Variants in NETO1 observed in about 807,000 individuals in gnomAD.
NETO1 encodes neuropilin and tolloid-like protein 1.
A neutral mutation model predicts 61.3 loss-of-function variants in NETO1; 26 were observed. The observed-to-expected ratio is 0.42, with a 90% confidence interval of 0.31 to 0.59. The LOEUF is 0.59. Ranked by LOEUF, NETO1 falls within the 20% of genes least tolerant of loss-of-function variation. NETO1 has a pLI of 0.12. For missense variants in NETO1, 531 were observed against 662.8 expected, an observed-to-expected ratio of 0.80 and a Z score of 2.18; for synonymous variants, 225 against 225.8, an observed-to-expected ratio of 1.00 and a Z score of 0.03.
At chr18:72,819,533 A>G (rs767010124) in intron 4 of NETO1, among the ~76,000 whole-genome samples, 1 of 152,220 alleles carries the variant, frequency 6.6e-6, no homozygotes, top group Non-Finnish European at 1.5e-5. Context: ...GTCATCAAGC[A>G]TTTAATTAAT....
intron 4 of NETO1, among the ~76,000 whole-genome samples, chr18:72,800,374 C>T (rs906485312): frequency 6.6e-6 from 1 of 152,170 alleles, no homozygotes; most frequent in Non-Finnish European, 1.5e-5. Context: ...GCTTCCACTT[C>T]CTACATCCTA....
At chr18:72,861,568 A>T (rs2074573103) in intron 3 of NETO1, among the ~76,000 whole-genome samples, 1 of 152,210 alleles carries the variant, frequency 6.6e-6, no homozygotes, top group East Asian at 1.9e-4. Flanking sequence ...ACGCACTGAG[A>T]ACTATGAGCA....
chr18:72,820,529 C>G (rs1378256218), intron 4 of NETO1, among the ~76,000 whole-genome samples: 2 of 152,252 alleles, frequency 1.3e-5, no homozygotes, highest in Admixed American at 6.5e-5. Flanking sequence ...TTTACTATAG[C>G]TTTGAAAACT....
At chr18:72,797,004 G>C (rs1316228647) in intron 4 of NETO1, among the ~76,000 whole-genome samples, 1 of 152,064 alleles carries the variant, frequency 6.6e-6, no homozygotes, top group East Asian at 1.9e-4. Context: ...TTCTCATCAA[G>C]CAGTTCCATT....
In NETO1 at chr18:72,859,073, G is replaced by A. The variant is rs570022554; in HGVS notation, c.222C>T (p.Ala74=). The A allele has an allele frequency of 7.0e-5, 111 of 1,581,990 alleles. No individual in the cohort carries two copies. The highest frequency in any genetic ancestry group is 3.0e-4 in the African/African-American group (22 of 73,478). Residue 74 remains alanine (A), a splice_region_variant and synonymous_variant, in exon 4 of 11, where the codon GCC becomes GCT. Coordinates refer to ENST00000327305, the MANE Select transcript of NETO1 (RefSeq NM_138966.5). The stretch of plus-strand genomic sequence containing the variant: ...AAAGTTCAATGCACTGTCTTGGAGC[G>A]GCTGTAAAGAAGAAAGATTGTGTCT... ...PDRECIYIIE[A]APRQCIELYF... is the part of the protein sequence containing the mutation.
At chr18:72,749,189 T>C (rs1275248492) in intron 9 of NETO1, 101 bp from the exon 10 acceptor site, 1 of 777,490 alleles carries the variant, frequency 1.3e-6, no homozygotes, top group Non-Finnish European at 2.3e-6. Context: ...CAGAAAACTG[T>C]GGAAATAGAC....
intron 4 of NETO1, among the ~76,000 whole-genome samples, chr18:72,833,401 A>C (rs2073642765): frequency 6.6e-6 from 1 of 152,136 alleles, no homozygotes; most frequent in South Asian, 2.1e-4. Context: ...TATTTTCTCC[A>C]GTATGACCCC....
intron 7 of NETO1, among the ~76,000 whole-genome samples, chr18:72,772,761 A>ATATATATC (rs1555684137): frequency 1.9e-4 from 5 of 25,888 alleles, no homozygotes; most frequent in Non-Finnish European, 3.6e-4. Flanking sequence ...ATATATATCT[A>ATATATATC]TATATATATA....
In NETO1 at chr18:72,772,819, CTCTCTCTATATATATATATATATATATA is replaced by C. The variant is rs1359823021; in HGVS notation, c.868+10831_868+10858del. ...TCTCTCTCTCTCTCTCTCTCTCTCTCTCTCTCTATATATATATATATATATATATATATATATATATATATATATATAT... is the reference window on the plus strand; with the variant it reads ...TCTCTCTCTCTCTCTCTCTCTCTCTCTATATATATATATATATATATATAT... On this transcript the variant is annotated intron_variant, in intron 7 of 10. Coordinates refer to ENST00000327305, the MANE Select transcript of NETO1 (RefSeq NM_138966.5). Among the ~76,000 whole-genome samples, 242 of 52,624 alleles carry C rather than the reference CTCTCTCTATATATATATATATATATATA, an allele frequency of 4.6e-3. 7 individuals are homozygous for C. The highest frequency in any genetic ancestry group is 0.014 in the African/African-American group (199 of 14,338). The allele number at this position is 52,624 out of a possible 152,430, so 34.5% of individuals were successfully genotyped here.
At position 72,808,419 on chromosome 18, in the gene NETO1, T is replaced by TTGTGTGTGTGTGTGTG. The variant is rs368047239; in HGVS notation, c.470-14031_470-14016dup. ...TGGAAGCAGTGGTGGCACTGCAGAT[T>TTGTGTGTGTGTGTGTG]TGTGTGTGTGTGTGTGTGTGTGTGT... On this transcript the variant is annotated intron_variant, in intron 4 of 10. Transcript: ENST00000327305. Among the ~76,000 whole-genome samples, 149 of 141,916 alleles carry TTGTGTGTGTGTGTGTG rather than the reference T, an allele frequency of 1.0e-3. 1 individual carries two copies. The highest frequency in any genetic ancestry group is 3.0e-3 in the African/African-American group (115 of 38,648). 93.1% of individuals were successfully genotyped at this position (141,916 alleles called of 152,430 possible). A position where few individuals can be genotyped will look rare whatever the true frequency, so the allele number is the denominator to read the frequency against.
intron 6 of NETO1, among the ~76,000 whole-genome samples, chr18:72,787,785 C>T (rs1368418277): frequency 8.5e-5 from 13 of 152,180 alleles, no homozygotes; most frequent in African/African-American, 3.1e-4. Flanking sequence ...CCCGGATACT[C>T]ATCACACTAT....
In NETO1 at chr18:72,778,087, A is replaced by T. The variant is rs147140563; in HGVS notation, c.868+5591T>A. ...GTGCAGTGAGGAAGACTACTGCCAG[A>T]AAGTGCCGGGTTAACAGTTTGAGAT... is the stretch of plus-strand genomic sequence containing the variant. On this transcript the variant is annotated intron_variant, in intron 7 of 10. Coordinates refer to ENST00000327305, the MANE Select transcript of NETO1 (RefSeq NM_138966.5). Among the ~76,000 whole-genome samples the T allele has an allele frequency of 2.4e-4, 37 of 152,310 alleles. No homozygotes were observed. The East Asian group carries it at 6.4e-3, about 26-fold the overall frequency.
chr18:72,749,431 T>C (rs975903258), intron 9 of NETO1, among the ~76,000 whole-genome samples: 3 of 152,280 alleles, frequency 2.0e-5, no homozygotes, highest in Non-Finnish European at 2.9e-5. Context: ...ACAGATAATA[T>C]TGCATTTATA....
At chr18:72,834,733 T>C (rs1374984219) in intron 4 of NETO1, 2 of 984,960 alleles carry the variant, frequency 2.0e-6, no homozygotes, top group Admixed American at 1.2e-4. Context: ...TACTGTTTGA[T>C]TGTTTGAGCA....
At chr18:72,754,217 T>C (rs2070714921) in intron 8 of NETO1, among the ~76,000 whole-genome samples, 1 of 151,924 alleles carries the variant, frequency 6.6e-6, no homozygotes, top group Non-Finnish European at 1.5e-5. Context: ...ATAATTAAAA[T>C]GTTGGACTAG....
At chr18:72,840,549 AG>A (rs1328505015) in intron 4 of NETO1, among the ~76,000 whole-genome samples, 2 of 152,244 alleles carry the variant, frequency 1.3e-5, no homozygotes, top group African/African-American at 4.8e-5. Flanking sequence ...GATCTTAAAA[AG>A]CCTGTTAGTA....
intron 4 of NETO1, among the ~76,000 whole-genome samples, chr18:72,840,758 C>A (rs1415998003): frequency 6.6e-6 from 1 of 152,118 alleles, no homozygotes; most frequent in Non-Finnish European, 1.5e-5. Context: ...GGGTAAATTT[C>A]CTAGTGAGAC....
In NETO1 at chr18:72,824,787, C is replaced by T. The variant is rs144807662; in HGVS notation, c.470-30383G>A. Among the ~76,000 whole-genome samples the T allele has an allele frequency of 1.7e-3, 254 of 151,836 alleles. 1 individual carries two copies. Among genetic ancestry groups the T allele is most frequent in the African/African-American group, 5.9e-3 (244 of 41,448 alleles). On this transcript the variant is annotated intron_variant, in intron 4 of 10. Coordinates refer to ENST00000327305, the MANE Select transcript of NETO1 (RefSeq NM_138966.5). ...CCAGCTACGCCGGAGGCTAAGGCAC[C>T]AGAATCACTTGAACCTGGGAGGTGG...
intron 4 of NETO1, among the ~76,000 whole-genome samples, chr18:72,848,338 A>G (rs1381301774): frequency 6.6e-6 from 1 of 152,152 alleles, no homozygotes; most frequent in East Asian, 1.9e-4. Flanking sequence ...TCTCAACAGC[A>G]TCAACTCAAA....
Sources: gnomAD v4.1 joint callset for allele counts (sites outside exome capture counted in the v4.1 genomes callset) on GRCh38, gnomAD v4.1.1 for gene constraint, MANE v1.5 for transcripts, NCBI Gene and HGNC (gene_info 2026-07-23, HGNC 2026-07-21) for gene names.